The following GALNTL6 variants were observed in gnomAD, a reference collection of about 807,000 sequenced individuals.
GALNTL6 encodes the protein polypeptide N-acetylgalactosaminyltransferase-like 6.
Under a neutral mutation model 73.7 loss-of-function variants are expected in GALNTL6, and 46 were observed. The ratio of observed to expected loss-of-function variants is 0.62; its 90% CI spans 0.49 to 0.80. The LOEUF (loss-of-function observed/expected upper bound fraction) is 0.80, where lower values mean the gene tolerates loss of function less well. Among genes scored for constraint, GALNTL6 ranks in the 30% least tolerant of loss-of-function variants. The pLI is 0.00. For missense variants in GALNTL6, 604 were observed against 755.0 expected (o/e 0.80, Z 2.34); for synonymous variants, 259 against 263.7 (o/e 0.98, Z 0.17).
intron 11 of GALNTL6, among the ~76,000 whole-genome samples, chr4:173,012,501 C>T (rs1270548249): frequency 4.6e-5 from 7 of 152,232 alleles, no homozygotes; most frequent in Admixed American, 4.6e-4. Context: ...CCTCTCCCCA[C>T]AGCCTCATGG....
chr4:172,943,514 A>G (rs1749014692), intron 9 of GALNTL6, among the ~76,000 whole-genome samples: 2 of 152,226 alleles, frequency 1.3e-5, no homozygotes, highest in African/African-American at 2.4e-5. Flanking sequence ...TTATTTATCA[A>G]TAGGTAATGA....
intron 5 of GALNTL6, among the ~76,000 whole-genome samples, chr4:172,637,196 G>A (rs17058691): frequency 0.36 from 54,783 of 151,762 alleles, 10,852 homozygotes; most frequent in African/African-American, 0.51. Flanking sequence ...GGTAAATTTG[G>A]GTAAGGATAA....
chr4:171,837,400 G>T (rs545645771), intron 2 of GALNTL6, among the ~76,000 whole-genome samples: 1 of 151,886 alleles, frequency 6.6e-6, no homozygotes, highest in South Asian at 2.1e-4. Context: ...TTGGTGAAAC[G>T]TGGTGGGATC....
intron 5 of GALNTL6, among the ~76,000 whole-genome samples, chr4:172,730,441 G>A (rs140780051): frequency 6.6e-6 from 1 of 152,236 alleles, no homozygotes; most frequent in Non-Finnish European, 1.5e-5. Flanking sequence ...TTTAATAAAG[G>A]GATGCTGAAT....
chr4:172,767,298 G>C (rs887910614), intron 5 of GALNTL6, among the ~76,000 whole-genome samples: 7 of 152,114 alleles, frequency 4.6e-5, no homozygotes, highest in African/African-American at 1.7e-4. Flanking sequence ...ATATCACAGA[G>C]GCCAGATGTT....
chr4:172,344,996 A>G (rs929476752), intron 4 of GALNTL6, among the ~76,000 whole-genome samples: 2 of 152,162 alleles, frequency 1.3e-5, no homozygotes, highest in East Asian at 1.9e-4. Context: ...TAATGACAGT[A>G]TTTATTAAAC....
In GALNTL6 at chr4:172,616,645, C is replaced by T. The variant is rs1452472639; in HGVS notation, c.554-192716C>T. 2.8e-5 allele frequency among the ~76,000 whole-genome samples: 4 copies of T among 141,596 alleles called. No homozygotes were observed. The Admixed American group carries it at 3.1e-4, about 11-fold the overall frequency. The allele number at this position is 141,596 out of a possible 152,430, so 92.9% of individuals were successfully genotyped here. A position where few individuals can be genotyped will look rare whatever the true frequency, so the allele number is the denominator to read the frequency against. ...GAAAAGAAGGCTTGGTCTATTTGTTCTTGCCAGAACCTGAGTGTTCTATTT... is the reference window on the plus strand; with the variant it reads ...GAAAAGAAGGCTTGGTCTATTTGTTTTTGCCAGAACCTGAGTGTTCTATTT... On this transcript the variant is annotated intron_variant, in intron 5 of 12. Transcript: ENST00000506823.
intron 2 of GALNTL6, among the ~76,000 whole-genome samples, chr4:172,143,851 T>C (rs1296468825): frequency 5.9e-5 from 9 of 152,178 alleles, no homozygotes; most frequent in Admixed American, 5.9e-4. Context: ...TCTTCTTTTT[T>C]TCCCTTGGGG....
chr4:172,852,506 CA>C (rs748306673), intron 7 of GALNTL6, among the ~76,000 whole-genome samples: 14 of 152,102 alleles, frequency 9.2e-5, no homozygotes, highest in Non-Finnish European at 1.9e-4. Context: ...CACCTTCCAG[CA>C]ATAACTCTAC....
At chr4:172,257,894 C>T (rs548141992) in intron 3 of GALNTL6, among the ~76,000 whole-genome samples, 41 of 151,254 alleles carry the variant, frequency 2.7e-4, no homozygotes, top group African/African-American at 7.7e-4. Flanking sequence ...TCATGCCTAA[C>T]GTAAGGTATC....
At chr4:171,953,964 T>C (rs1034416231) in intron 2 of GALNTL6, among the ~76,000 whole-genome samples, 1 of 152,170 alleles carries the variant, frequency 6.6e-6, no homozygotes. Context: ...CTGGTATACA[T>C]ATTAACTGGC....
chr4:172,655,611 C>T (rs377330815), intron 5 of GALNTL6, among the ~76,000 whole-genome samples: 8 of 152,156 alleles, frequency 5.3e-5, no homozygotes, highest in South Asian at 2.1e-4. Flanking sequence ...CCTGAAAGCA[C>T]GTCTTATTTC....
At chr4:172,673,686 T>A (rs558041324) in intron 5 of GALNTL6, among the ~76,000 whole-genome samples, 3 of 152,356 alleles carry the variant, frequency 2.0e-5, no homozygotes, top group African/African-American at 7.2e-5. Context: ...TTATGATAGT[T>A]AGATCTTCTT....
rs755470500 is a variant in GALNTL6 at position 172,952,220 on chromosome 4, T to C, written c.1333T>C (p.Tyr445His). The change falls in exon 10 of 13, where the codon TAC becomes CAC. Residue 445 changes from tyrosine (Y) to histidine (H), a missense_variant. Transcript: ENST00000506823. ...TGTGGCCTGGGACGTGCCTAAATAC[T>C]ACCCTCCAGTGGAGCCCCCGCCTGC... is the stretch of plus-strand genomic sequence containing the variant. ...AAVAWDVPKY[Y>H]PPVEPPPAAW... 1.9e-6 allele frequency: 3 copies of C among 1,613,820 alleles called. No individual in the cohort carries two copies. In the African/African-American group the frequency reaches 4.0e-5, roughly 22 times the overall value.
chr4:172,894,011 G>A (rs1746189328), intron 8 of GALNTL6, among the ~76,000 whole-genome samples: 1 of 152,178 alleles, frequency 6.6e-6, no homozygotes. Flanking sequence ...AAGCTTCCCA[G>A]CTTCTTCCCT....
At chr4:172,999,508 G>A (rs545342553) in intron 10 of GALNTL6, among the ~76,000 whole-genome samples, 1 of 152,158 alleles carries the variant, frequency 6.6e-6, no homozygotes, top group South Asian at 2.1e-4. Flanking sequence ...AGGCAAAAAA[G>A]GATTTGAAGT....
chr4:172,018,211 G>T (rs1457054353), intron 2 of GALNTL6, among the ~76,000 whole-genome samples: 1 of 152,072 alleles, frequency 6.6e-6, no homozygotes, highest in Non-Finnish European at 1.5e-5. Context: ...ATACAAGCTT[G>T]CCTTACATTG....
chr4:172,657,944 A>C (rs1256155645), intron 5 of GALNTL6, among the ~76,000 whole-genome samples: 6 of 143,536 alleles, frequency 4.2e-5, no homozygotes, highest in Admixed American at 7.0e-5. Flanking sequence ...AGGTCAGGAG[A>C]TCGAGACCAT....
chr4:173,000,172 CATT>C (rs1751982748), intron 10 of GALNTL6, among the ~76,000 whole-genome samples: 1 of 152,106 alleles, frequency 6.6e-6, no homozygotes, highest in Admixed American at 6.5e-5. Flanking sequence ...ATTTATGAAG[CATT>C]ATCCTTAATT....
Sources: gnomAD v4.1 joint callset for allele counts (sites outside exome capture counted in the v4.1 genomes callset) on GRCh38, gnomAD v4.1.1 for gene constraint, MANE v1.5 for transcripts, NCBI Gene and HGNC (gene_info 2026-07-23, HGNC 2026-07-21) for gene names.